Variants in GLRA1 observed in about 807,000 individuals in gnomAD.
GLRA1 encodes the protein glycine receptor subunit alpha-1.
Under a neutral mutation model 48.3 loss-of-function variants are expected in GLRA1, and 37 were observed. The ratio of observed to expected loss-of-function variants is 0.77; its 90% CI spans 0.59 to 1.01. GLRA1 has a LOEUF of 1.01. Among genes scored for constraint, GLRA1 ranks in the 50% least tolerant of loss-of-function variants. GLRA1 has a pLI of 0.00. For synonymous variants in GLRA1, 196 were observed against 210.7 expected (o/e 0.93, Z 0.60); for missense variants, 427 against 571.0 (o/e 0.75, Z 2.57).
intron 3 of GLRA1, among the ~76,000 whole-genome samples, chr5:151,874,004 T>G (rs758470985): frequency 2.6e-5 from 4 of 152,174 alleles, no homozygotes; most frequent in South Asian, 4.1e-4. Flanking sequence ...GGATGCACTT[T>G]GAGGAGAGCA....
intron 1 of GLRA1, among the ~76,000 whole-genome samples, chr5:151,910,502 A>G (rs1012972330): frequency 1.3e-5 from 2 of 152,188 alleles, no homozygotes; most frequent in African/African-American, 4.8e-5. Context: ...ATGGGATCCT[A>G]CTGTACAGAC....
intron 3 of GLRA1, among the ~76,000 whole-genome samples, chr5:151,867,253 C>T (rs1183555521): frequency 6.6e-6 from 1 of 152,228 alleles, no homozygotes; most frequent in East Asian, 1.9e-4. Context: ...CAGTTTGTTC[C>T]ATCCTCCAGA....
chr5:151,916,936 T>C lies in GLRA1; in HGVS notation c.56+7558A>G, dbSNP rs184758464. Reference sequence around the variant, plus strand: ...CCCTCTGGAAGGGTGAGTGTGTTTGTGTTTATGAGAAAGGACAGAGTGTGG... The same window carrying C: ...CCCTCTGGAAGGGTGAGTGTGTTTGCGTTTATGAGAAAGGACAGAGTGTGG... On this transcript the variant is annotated intron_variant, in intron 1 of 8. Transcript: ENST00000274576. Among the ~76,000 whole-genome samples the C allele has an allele frequency of 4.6e-5, 7 of 152,232 alleles. No individual in the cohort carries two copies. In the East Asian group the frequency reaches 1.4e-3, roughly 29 times the overall value.
chr5:151,857,749 T>C (rs10079787), intron 4 of GLRA1, among the ~76,000 whole-genome samples: 60,546 of 152,026 alleles, frequency 0.4, 12,224 homozygotes, highest in South Asian at 0.45. Flanking sequence ...CAACAGAATT[T>C]GAGGCCTGCA....
intron 1 of GLRA1, among the ~76,000 whole-genome samples, chr5:151,896,148 C>G (rs1216529884): frequency 6.6e-6 from 1 of 152,158 alleles, no homozygotes; most frequent in South Asian, 2.1e-4. Flanking sequence ...ATACCAGAAC[C>G]CTCCCCAAAG....
At chr5:151,908,402 T>G (rs1048489802) in intron 1 of GLRA1, among the ~76,000 whole-genome samples, 2 of 152,184 alleles carry the variant, frequency 1.3e-5, no homozygotes, top group Non-Finnish European at 2.9e-5. Flanking sequence ...TCCTACATTC[T>G]TTTTCCCTTC....
chr5:151,920,605 A>C (rs777971944), intron 1 of GLRA1, among the ~76,000 whole-genome samples: 1 of 152,158 alleles, frequency 6.6e-6, no homozygotes, highest in African/African-American at 2.4e-5. Flanking sequence ...TCCTAAGCCC[A>C]AAAAGGGAGT....
intron 6 of GLRA1, among the ~76,000 whole-genome samples, chr5:151,852,531 G>A (rs1394545546): frequency 3.9e-5 from 6 of 152,218 alleles, no homozygotes; most frequent in African/African-American, 1.4e-4. Context: ...GATGGGGCCA[G>A]TCTTATGGTG....
chr5:151,830,147 T>C (rs1763388005), intron 7 of GLRA1, among the ~76,000 whole-genome samples: 1 of 152,246 alleles, frequency 6.6e-6, no homozygotes, highest in Non-Finnish European at 1.5e-5. Context: ...AACCAACAGC[T>C]GTCTGGAAGC....
chr5:151,909,193 ACAGATGT>A (rs1474395335), intron 1 of GLRA1, among the ~76,000 whole-genome samples: 9 of 152,258 alleles, frequency 5.9e-5, no homozygotes, highest in Non-Finnish European at 1.0e-4. Flanking sequence ...GTCGAGAGTC[ACAGATGT>A]CATTCTAACA....
At chr5:151,909,480 C>A (rs1216267909) in intron 1 of GLRA1, among the ~76,000 whole-genome samples, 1 of 152,168 alleles carries the variant, frequency 6.6e-6, no homozygotes, top group Non-Finnish European at 1.5e-5. Flanking sequence ...TCCATTTTCT[C>A]CCAGGTAGTG....
chr5:151,875,006 G>C (rs901109248), intron 3 of GLRA1, among the ~76,000 whole-genome samples: 50 of 152,162 alleles, frequency 3.3e-4, no homozygotes, highest in African/African-American at 1.2e-3. Context: ...TTTTAACTAG[G>C]AGCTGAGAGC....
At chr5:151,843,231 T>C (rs969263071) in intron 7 of GLRA1, among the ~76,000 whole-genome samples, 1 of 151,740 alleles carries the variant, frequency 6.6e-6, no homozygotes, top group South Asian at 2.1e-4. Context: ...TTTTTTCATT[T>C]CAAAAATTGA....
rs11426952 is a variant in GLRA1 at position 151,875,179 on chromosome 5, TA to T, written c.252+11541del. ...TATTTATGTTTGGGTATAAAGGGCT[TA>T]AAAAAAAAAAGTTGGGGTCTTGCTT... is the stretch of plus-strand genomic sequence containing the variant. On this transcript the variant is annotated intron_variant, in intron 3 of 8. Transcript: ENST00000274576. 7.5e-3 allele frequency among the ~76,000 whole-genome samples: 1,110 copies of T among 147,214 alleles called. 1 individual carries two copies. The highest frequency in any genetic ancestry group is 0.011 in the Non-Finnish European group (747 of 66,248).
At position 151,917,129 on chromosome 5, in the gene GLRA1, G is replaced by T. The variant is rs773293439; in HGVS notation, c.56+7365C>A. Among the ~76,000 whole-genome samples, 61 of 152,188 alleles carry T rather than the reference G, an allele frequency of 4.0e-4. 1 individual carries two copies. The highest frequency in any genetic ancestry group is 7.3e-4 in the Non-Finnish European group (50 of 68,034). ...CCCTCTACATCTGCAAAATAAAAGG[G>T]TTGATGTATGTCAGGCGTTCTCAGT... On this transcript the variant is annotated intron_variant, in intron 1 of 8. Coordinates refer to ENST00000274576, the MANE Select transcript of GLRA1 (RefSeq NM_000171.4).
chr5:151,864,591 A>G (rs1320817813), intron 3 of GLRA1, among the ~76,000 whole-genome samples: 10 of 152,234 alleles, frequency 6.6e-5, no homozygotes, highest in Admixed American at 2.0e-4. Context: ...ACTTTCCGTC[A>G]GCCTCATTGC....
At chr5:151,924,357 G>C in intron 1 of GLRA1, 137 bp downstream of exon 1, 4 of 717,098 alleles carry the variant, frequency 5.6e-6, no homozygotes, top group Non-Finnish European at 1.0e-5. Context: ...GAAGGGAGAC[G>C]GGGGATGGAA....
intron 3 of GLRA1, among the ~76,000 whole-genome samples, chr5:151,884,361 A>G (rs2964596): frequency 0.59 from 89,978 of 151,856 alleles, 26,810 homozygotes; most frequent in East Asian, 0.69. Context: ...CCCAGGAGGC[A>G]GAGTTTGCAG....
At chr5:151,831,960 C>G (rs1300825608) in intron 7 of GLRA1, among the ~76,000 whole-genome samples, 1 of 152,196 alleles carries the variant, frequency 6.6e-6, no homozygotes, top group Non-Finnish European at 1.5e-5. Flanking sequence ...GAACAGGTAG[C>G]AATCTTTGCT....
Sources: gnomAD v4.1 joint callset for allele counts (sites outside exome capture counted in the v4.1 genomes callset) on GRCh38, gnomAD v4.1.1 for gene constraint, MANE v1.5 for transcripts, NCBI Gene and HGNC (gene_info 2026-07-23, HGNC 2026-07-21) for gene names.